Variants in MTX2 observed in about 807,000 individuals in gnomAD.
The protein encoded by MTX2 is metaxin-2.
A neutral mutation model predicts 42.3 loss-of-function variants in MTX2; 35 were observed. The ratio of observed to expected loss-of-function variants is 0.83; its 90% CI spans 0.63 to 1.10. MTX2 has a LOEUF of 1.10. Ranked by LOEUF, MTX2 falls within the 50% of genes least tolerant of loss-of-function variation. The pLI is 0.00. For synonymous variants in MTX2, 119 were observed against 100.9 expected, an observed-to-expected ratio of 1.18 and a Z score of -1.08; for missense variants, 307 against 304.1, an observed-to-expected ratio of 1.01 and a Z score of -0.07.
chr2:176,328,341 A>G lies in MTX2; in HGVS notation c.334A>G (p.Lys112Glu). 33 of 1,591,234 alleles carry G rather than the reference A, an allele frequency of 2.1e-5. No individual in the cohort carries two copies. The highest frequency in any genetic ancestry group is 2.8e-5 in the Non-Finnish European group (33 of 1,168,968). ...GGAGGAAGTCCAAAAAGCAGAAATG[A>G]AAGCTTACATGGAATTAGTCAACAA... ...GLEEVQKAEM[K>E]AYMELVNNML... Residue 112 changes from lysine to glutamate, a missense_variant, in exon 6 of 10, where the codon AAA becomes GAA. Physicochemically the swap from Lys to Glu is moderately conservative, Grantham distance 56 (BLOSUM62 1). Coordinates refer to ENST00000249442, the MANE Select transcript of MTX2 (RefSeq NM_006554.5).
rs745705028 is a variant in MTX2, at chr2:176,309,720, C to CTTTTTT, written c.135+11840_135+11845dup. Among the ~76,000 whole-genome samples, 13 of 98,530 alleles carry CTTTTTT rather than the reference C, an allele frequency of 1.3e-4. 1 individual carries two copies. The highest frequency in any genetic ancestry group is 3.1e-4 in the Admixed American group (3 of 9,668). The allele number at this position is 98,530 out of a possible 152,430, so 64.6% of individuals were successfully genotyped here. On this transcript the variant is annotated intron_variant, in intron 3 of 9. Transcript: ENST00000249442. ...TCAGAGACCAGGATTGCAACCTCTG[C>CTTTTTT]TTTTTTTTTTTTTTTTTTTTGCCTT...
chr2:176,300,433 A>C (rs2105416880), intron 3 of MTX2, among the ~76,000 whole-genome samples: 1 of 152,222 alleles, frequency 6.6e-6, no homozygotes, highest in East Asian at 1.9e-4. Flanking sequence ...CCAATACATA[A>C]TTTATTAATG....
At chr2:176,307,932 T>C (rs1346992426) in intron 3 of MTX2, among the ~76,000 whole-genome samples, 1 of 152,188 alleles carries the variant, frequency 6.6e-6, no homozygotes, top group African/African-American at 2.4e-5. Context: ...CTTCTAACAC[T>C]GTGTTCAATA....
In MTX2 at chr2:176,337,585, A is replaced by G; in HGVS notation, c.713A>G (p.Asn238Ser). 1 of 1,613,524 alleles carries G rather than the reference A, an allele frequency of 6.2e-7. No individual in the cohort carries two copies. Among genetic ancestry groups the G allele is most frequent in the Non-Finnish European group, 8.5e-7 (1 of 1,179,662 alleles). ...TNDELSEKVK[N>S]YSNLLAFCRR... ...GATGAACTTTCTGAGAAGGTGAAAA[A>G]CTATAGCAACCTCCTTGCTTTCTGT... The change falls in exon 10 of 10, where the codon AAC becomes AGC. Residue 238 changes from asparagine to serine, a missense_variant. Physicochemically the swap from Asn to Ser is conservative, Grantham distance 46. Coordinates refer to ENST00000249442, the MANE Select transcript of MTX2 (RefSeq NM_006554.5).
intron 3 of MTX2, among the ~76,000 whole-genome samples, chr2:176,307,107 G>GTTTCAGC (rs1219049442): frequency 8.5e-5 from 13 of 152,294 alleles, no homozygotes; most frequent in African/African-American, 2.6e-4. Flanking sequence ...AAGGGATCCA[G>GTTTCAGC]TTTCAGCTTT....
At chr2:176,323,002 A>G (rs183492337) in intron 3 of MTX2, among the ~76,000 whole-genome samples, 5 of 152,022 alleles carry the variant, frequency 3.3e-5, no homozygotes, top group African/African-American at 1.2e-4. Context: ...TGATGATCCT[A>G]TAGAAAATAG....
intron 3 of MTX2, among the ~76,000 whole-genome samples, chr2:176,321,209 A>G (rs1684575844): frequency 1.3e-5 from 2 of 152,146 alleles, no homozygotes. Context: ...TTTCCATGCA[A>G]GCCATGCTTT....
At chr2:176,295,546 A>G (rs927007927) in intron 1 of MTX2, among the ~76,000 whole-genome samples, 2 of 152,206 alleles carry the variant, frequency 1.3e-5, no homozygotes, top group Non-Finnish European at 2.9e-5. Flanking sequence ...TGTGTGTGAC[A>G]GCATACAAAA....
intron 1 of MTX2, among the ~76,000 whole-genome samples, chr2:176,274,530 A>G (rs1389289455): frequency 6.6e-6 from 1 of 152,176 alleles, no homozygotes; most frequent in African/African-American, 2.4e-5. Context: ...AAGTACCAGG[A>G]TATCTATTTC....
intron 3 of MTX2, among the ~76,000 whole-genome samples, chr2:176,318,531 A>G (rs1017592963): frequency 2.6e-5 from 4 of 152,198 alleles, no homozygotes; most frequent in African/African-American, 9.7e-5. Context: ...TTTTCACATA[A>G]GAATACATTT....
At chr2:176,312,145 GAACTT>G (rs1684329267) in intron 3 of MTX2, among the ~76,000 whole-genome samples, 1 of 152,114 alleles carries the variant, frequency 6.6e-6, no homozygotes, top group Non-Finnish European at 1.5e-5. Context: ...AAATATCTCT[GAACTT>G]AACAAGAGTT....
At chr2:176,314,316 A>C (rs952225870) in intron 3 of MTX2, among the ~76,000 whole-genome samples, 9 of 152,198 alleles carry the variant, frequency 5.9e-5, no homozygotes, top group Admixed American at 3.9e-4. Flanking sequence ...ACACGCCTGT[A>C]GTCCCACCTA....
rs754687601 is a variant in MTX2 at position 176,337,890 on chromosome 2, T to C, written c.*226T>C. 3 of 323,884 alleles carry C rather than the reference T, an allele frequency of 9.3e-6. No homozygotes were observed. Among genetic ancestry groups the C allele is most frequent in the South Asian group, 1.3e-4 (1 of 7,704 alleles). The allele number at this position is 323,884 out of a possible 1,614,324, so 20.1% of individuals were successfully genotyped here. On this transcript the variant is annotated 3_prime_UTR_variant, in exon 10 of 10. Coordinates refer to ENST00000249442, the MANE Select transcript of MTX2 (RefSeq NM_006554.5). The stretch of plus-strand genomic sequence containing the variant: ...TATTCTGTATCTTGAAATTTTTGTT[T>C]CCTTGAAACATGCATGCATTTAAAA...
At chr2:176,302,951 A>G (rs1684061644) in intron 3 of MTX2, among the ~76,000 whole-genome samples, 1 of 152,176 alleles carries the variant, frequency 6.6e-6, no homozygotes, top group Non-Finnish European at 1.5e-5. Context: ...TTGAGGCTGC[A>G]GGTTGATTAC....
intron 3 of MTX2, among the ~76,000 whole-genome samples, chr2:176,303,673 T>G (rs1235587684): frequency 6.6e-6 from 1 of 152,100 alleles, no homozygotes; most frequent in African/African-American, 2.4e-5. Flanking sequence ...AATCTCAATA[T>G]TAGTTTCTCA....
intron 4 of MTX2, 34 bp from the exon 5 acceptor site, chr2:176,326,791 T>C (rs1238541176): frequency 7.6e-7 from 1 of 1,319,980 alleles, no homozygotes; most frequent in Non-Finnish European, 1.1e-6. Flanking sequence ...ATACTGGAAG[T>C]ATTTTTATAA....
intron 3 of MTX2, among the ~76,000 whole-genome samples, chr2:176,305,414 T>C (rs536031317): frequency 3.9e-4 from 60 of 152,226 alleles, no homozygotes; most frequent in African/African-American, 1.4e-3. Flanking sequence ...ACTATGTAAC[T>C]GCTGTTGTGT....
chr2:176,270,419 G>A, intron 1 of MTX2: 1 of 1,360,686 alleles, frequency 7.3e-7, no homozygotes, highest in Non-Finnish European at 9.8e-7. Flanking sequence ...GATGTATATA[G>A]GTTTGTAATT....
chr2:176,291,433 G>T (rs1479212194), intron 1 of MTX2, among the ~76,000 whole-genome samples: 1 of 152,106 alleles, frequency 6.6e-6, no homozygotes, highest in African/African-American at 2.4e-5. Context: ...GGATGAAATG[G>T]TAAGCAAAAA....
Sources: allele counts gnomAD v4.1 joint callset (sites outside exome capture counted in the v4.1 genomes callset), GRCh38; gene constraint gnomAD v4.1.1; transcripts MANE v1.5; gene names NCBI Gene and HGNC (gene_info 2026-07-23, HGNC 2026-07-21).